Variants in WDR72 observed in about 807,000 individuals in gnomAD.
WDR72 encodes the protein WD repeat-containing protein 72.
A neutral mutation model predicts 124.2 loss-of-function variants in WDR72; 120 were observed. That is an observed-to-expected ratio of 0.97 (90% CI 0.83 to 1.12). WDR72 has a LOEUF of 1.12. WDR72 is among the 50% of genes most tolerant of loss of function. WDR72 has a pLI of 0.00. For synonymous variants in WDR72, 452 were observed against 441.7 expected, an observed-to-expected ratio of 1.02 and a Z score of -0.29; for missense variants, 1,387 against 1,278.8, an observed-to-expected ratio of 1.08 and a Z score of -1.29.
intron 14 of WDR72, among the ~76,000 whole-genome samples, chr15:53,644,354 T>C (rs1438197500): frequency 6.6e-6 from 1 of 152,132 alleles, no homozygotes; most frequent in Non-Finnish European, 1.5e-5. Context: ...ATTGAAGAGC[T>C]CGTTCATATT....
chr15:53,750,382 A>T (rs990681334), intron 1 of WDR72, among the ~76,000 whole-genome samples: 1 of 152,162 alleles, frequency 6.6e-6, no homozygotes, highest in Non-Finnish European at 1.5e-5. Flanking sequence ...GTTGAGATCT[A>T]CTGCTCAGAA....
intron 13 of WDR72, among the ~76,000 whole-genome samples, chr15:53,677,332 T>C (rs1167060188): frequency 6.6e-6 from 1 of 152,230 alleles, no homozygotes; most frequent in African/African-American, 2.4e-5. Flanking sequence ...TCCCCTTTCT[T>C]ACACCCTAAG....
intron 9 of WDR72, among the ~76,000 whole-genome samples, chr15:53,710,108 T>C (rs2017490499): frequency 6.6e-6 from 1 of 152,202 alleles, no homozygotes; most frequent in Non-Finnish European, 1.5e-5. Flanking sequence ...TAAGCTCACA[T>C]TTATATTCTC....
intron 14 of WDR72, among the ~76,000 whole-genome samples, chr15:53,629,422 T>C (rs1463113906): frequency 6.6e-6 from 1 of 151,538 alleles, no homozygotes; most frequent in East Asian, 1.9e-4. Flanking sequence ...TATTTATGAC[T>C]ATCAAAGAGA....
intron 12 of WDR72, among the ~76,000 whole-genome samples, chr15:53,701,604 A>C (rs1192407527): frequency 1.3e-5 from 2 of 151,334 alleles, no homozygotes; most frequent in Non-Finnish European, 2.9e-5. Flanking sequence ...CAGAAGACAA[A>C]TGTAACTATT....
chr15:53,759,979 T>C (rs914133302), upstream of WDR72, among the ~76,000 whole-genome samples: 17 of 150,064 alleles, frequency 1.1e-4, no homozygotes, highest in Non-Finnish European at 1.8e-4. Context: ...TGACGTGAAC[T>C]CTTGACCCTA....
At chr15:53,599,556 T>G (rs1202584986) in intron 17 of WDR72, among the ~76,000 whole-genome samples, 5 of 152,140 alleles carry the variant, frequency 3.3e-5, no homozygotes, top group Non-Finnish European at 7.4e-5. Flanking sequence ...GCTCTTTCTA[T>G]ACTCATAAAT....
chr15:53,535,620 C>CTAT (rs1416760403), intron 18 of WDR72, among the ~76,000 whole-genome samples: 1 of 152,140 alleles, frequency 6.6e-6, no homozygotes, highest in African/African-American at 2.4e-5. Flanking sequence ...CATTTCTCTC[C>CTAT]TATTTCCCAC....
chr15:53,632,084 T>C (rs1239635670), intron 14 of WDR72, among the ~76,000 whole-genome samples: 1 of 151,878 alleles, frequency 6.6e-6, no homozygotes, highest in Non-Finnish European at 1.5e-5. Context: ...TGAGGAGAAG[T>C]CTTCTAAGAC....
chr15:53,608,862 G>C (rs2013407067), intron 17 of WDR72, among the ~76,000 whole-genome samples: 1 of 151,890 alleles, frequency 6.6e-6, no homozygotes, highest in Non-Finnish European at 1.5e-5. Flanking sequence ...GGGTAGTGTG[G>C]GATAGAGGTA....
chr15:53,726,177 A>AATAT (rs34029897), intron 2 of WDR72, among the ~76,000 whole-genome samples: 2,827 of 140,250 alleles, frequency 0.02, 79 homozygotes, highest in East Asian at 0.081. Flanking sequence ...AATTGGTTGT[A>AATAT]ATATATATAT....
At position 53,701,559 on chromosome 15, in the gene WDR72, T is replaced by TCTCTCTCACA. The variant is rs369568228; in HGVS notation, c.1569+574_1569+575insTGTGAGAGAG. ...CTGTCTCTCTCTCTCTCTCTCTCTC[T>TCTCTCTCACA]CACACACACACACACACACACACAC... On this transcript the variant is annotated intron_variant, in intron 12 of 19. Coordinates refer to ENST00000360509, the MANE Select transcript of WDR72 (RefSeq NM_182758.4). Among the ~76,000 whole-genome samples the TCTCTCTCACA allele has an allele frequency of 1.8e-3, 222 of 120,152 alleles. 2 individuals carry two copies. The highest frequency in any genetic ancestry group is 6.0e-3 in the African/African-American group (207 of 34,534). 78.8% of individuals were successfully genotyped at this position (120,152 alleles called of 152,430 possible).
At chr15:53,685,385 A>G (rs560901456) in intron 13 of WDR72, among the ~76,000 whole-genome samples, 1 of 130,002 alleles carries the variant, frequency 7.7e-6, no homozygotes, top group East Asian at 2.6e-4. Context: ...TGGAGCTGAA[A>G]ACCAAGGCTC....
intron 13 of WDR72, among the ~76,000 whole-genome samples, chr15:53,692,953 T>G (rs1410028428): frequency 6.6e-6 from 1 of 152,174 alleles, no homozygotes; most frequent in Non-Finnish European, 1.5e-5. Flanking sequence ...GGGTTCCATC[T>G]GTAATCTACC....
rs376862666 is a variant in WDR72, at chr15:53,590,754, A to G, written c.3148+6325T>C. Among the ~76,000 whole-genome samples the G allele has an allele frequency of 9.2e-5, 14 of 152,206 alleles. No individual in the cohort carries two copies. In the East Asian group the frequency reaches 2.5e-3, roughly 27 times the overall value. ...CTTCTCTGAATCTGTTTTCTCATCAATAAAGTGGATATAACAATATTATCT... is the reference window on the plus strand; with the variant it reads ...CTTCTCTGAATCTGTTTTCTCATCAGTAAAGTGGATATAACAATATTATCT... On this transcript the variant is annotated intron_variant, in intron 18 of 19. Transcript: ENST00000360509.
chr15:53,707,761 G>A (rs766482453), intron 9 of WDR72, among the ~76,000 whole-genome samples: 22 of 152,080 alleles, frequency 1.4e-4, no homozygotes, highest in Non-Finnish European at 3.1e-4. Context: ...ATTTTTTTAA[G>A]ACTCAGAGGG....
At chr15:53,552,297 T>C (rs1172209551) in intron 18 of WDR72, among the ~76,000 whole-genome samples, 7 of 152,160 alleles carry the variant, frequency 4.6e-5, no homozygotes, top group African/African-American at 1.7e-4. Flanking sequence ...GGCTCATGGA[T>C]GCTACATATT....
At chr15:53,713,106 A>C (rs897643433) in intron 6 of WDR72, among the ~76,000 whole-genome samples, 1 of 151,620 alleles carries the variant, frequency 6.6e-6, no homozygotes, top group Admixed American at 6.6e-5. Flanking sequence ...CCCCCACAAC[A>C]CTTAATTTAC....
intron 12 of WDR72, 70 bp from the exon 13 acceptor site, chr15:53,700,015 T>G: frequency 1.3e-6 from 2 of 1,590,090 alleles, no homozygotes; most frequent in Non-Finnish European, 1.7e-6. Context: ...TCAGATTTTT[T>G]TCTCCCAGTA....
Sources: allele counts gnomAD v4.1 joint callset (sites outside exome capture counted in the v4.1 genomes callset), GRCh38; gene constraint gnomAD v4.1.1; transcripts MANE v1.5; gene names NCBI Gene and HGNC (gene_info 2026-07-23, HGNC 2026-07-21).